Variants in IL1RAPL2 observed in about 807,000 individuals in gnomAD.
IL1RAPL2 encodes the protein X-linked interleukin-1 receptor accessory protein-like 2.
IL1RAPL2 carries 3 observed loss-of-function variants against 44.1 expected under a neutral mutation model. That is an observed-to-expected ratio of 0.07 (90% CI 0.03 to 0.18). The LOEUF is 0.18. IL1RAPL2 is among the 10% of genes least tolerant of loss of function. The pLI is 1.00. For synonymous variants in IL1RAPL2, 181 were observed against 178.8 expected, an observed-to-expected ratio of 1.01 and a Z score of -0.10; for missense variants, 391 against 496.4, an observed-to-expected ratio of 0.79 and a Z score of 2.02.
intron 2 of IL1RAPL2, among the ~76,000 whole-genome samples, chrX:104,770,445 C>T (rs952320005): frequency 9.0e-6 from 1 of 111,469 alleles, no homozygotes; most frequent in African/African-American, 3.3e-5. Flanking sequence ...AACCACCACC[C>T]CCATCATCAT....
intron 5 of IL1RAPL2, among the ~76,000 whole-genome samples, chrX:105,285,700 TCTGA>T (rs753129924): frequency 2.7e-5 from 3 of 112,049 alleles, no homozygotes; most frequent in Non-Finnish European, 5.6e-5. Context: ...ACAGTGTCTT[TCTGA>T]CTTAGTCCTG....
At chrX:105,475,322 C>A (rs2036190418) in intron 5 of IL1RAPL2, among the ~76,000 whole-genome samples, 2 of 110,787 alleles carry the variant, frequency 1.8e-5, no homozygotes, top group African/African-American at 6.6e-5. Context: ...AAGGGTTTGT[C>A]TAGCTCTAAA....
intron 2 of IL1RAPL2, among the ~76,000 whole-genome samples, chrX:105,137,281 A>C (rs1199692794): frequency 1.8e-5 from 2 of 112,426 alleles, no homozygotes; most frequent in African/African-American, 6.5e-5. Flanking sequence ...CTCAGTAGTC[A>C]CATCTAACAT....
intron 6 of IL1RAPL2, among the ~76,000 whole-genome samples, chrX:105,489,730 T>TTCTC (rs747133937): frequency 1.0e-5 from 1 of 100,377 alleles, no homozygotes; most frequent in Admixed American, 1.1e-4. Context: ...CCTTCTTTCT[T>TTCTC]TCTCTCTCTC....
At chrX:104,769,249 C>A (rs1932605098) in intron 2 of IL1RAPL2, among the ~76,000 whole-genome samples, 1 of 111,575 alleles carries the variant, frequency 9.0e-6, no homozygotes, top group South Asian at 3.7e-4. Flanking sequence ...AAATAGTTGA[C>A]CTGATTGGTT....
intron 6 of IL1RAPL2, among the ~76,000 whole-genome samples, chrX:105,666,544 G>A (rs900971606): frequency 1.8e-5 from 2 of 111,732 alleles, no homozygotes; most frequent in East Asian, 2.8e-4. Flanking sequence ...TAACAGAGCC[G>A]TAAAACAGAA....
chrX:105,056,080 C>A (rs1361585688), intron 2 of IL1RAPL2, among the ~76,000 whole-genome samples: 1 of 111,877 alleles, frequency 8.9e-6, no homozygotes, highest in Non-Finnish European at 1.9e-5. Flanking sequence ...AAAATGACAG[C>A]TTTCTTCTAG....
At chrX:105,173,311 G>A (rs780957522) in intron 2 of IL1RAPL2, among the ~76,000 whole-genome samples, 84 of 112,077 alleles carry the variant, frequency 7.5e-4, no homozygotes, top group Non-Finnish European at 1.2e-3. Context: ...ACAACTGCGG[G>A]TTTGCCCGTG....
chrX:105,243,860 A>C (rs938036154), intron 4 of IL1RAPL2, among the ~76,000 whole-genome samples: 1 of 110,901 alleles, frequency 9.0e-6, no homozygotes, highest in Non-Finnish European at 1.9e-5. Flanking sequence ...CATCTTATCT[A>C]GGATAACTTT....
intron 6 of IL1RAPL2, among the ~76,000 whole-genome samples, chrX:105,602,859 T>G (rs2037264566): frequency 2.8e-5 from 3 of 108,021 alleles, no homozygotes; most frequent in Admixed American, 2.0e-4. Flanking sequence ...CTGCAAAAAT[T>G]AAGAAATAAA....
At chrX:104,672,857 G>A (rs1018336156) in intron 2 of IL1RAPL2, among the ~76,000 whole-genome samples, 15 of 111,960 alleles carry the variant, frequency 1.3e-4, no homozygotes, top group Non-Finnish European at 2.1e-4. Flanking sequence ...GTGATGACGA[G>A]CATTTTTTCA....
chrX:104,893,110 T>G (rs998626461), intron 2 of IL1RAPL2, among the ~76,000 whole-genome samples: 38 of 112,203 alleles, frequency 3.4e-4, no homozygotes, highest in Non-Finnish European at 6.2e-4. Flanking sequence ...TTGAGTGAGT[T>G]TCTTAATCCT....
intron 2 of IL1RAPL2, among the ~76,000 whole-genome samples, chrX:104,826,937 G>GTTT (rs1213152408): frequency 1.9e-5 from 1 of 53,539 alleles, no homozygotes. Flanking sequence ...TGCAACCCCT[G>GTTT]CTTTTTTTTT....
At chrX:104,970,821 T>G (rs2030218378) in intron 2 of IL1RAPL2, among the ~76,000 whole-genome samples, 1 of 111,979 alleles carries the variant, frequency 8.9e-6, no homozygotes, top group African/African-American at 3.2e-5. Flanking sequence ...TGCATCCTGC[T>G]GAGTTTATGG....
intron 2 of IL1RAPL2, among the ~76,000 whole-genome samples, chrX:105,022,086 G>A (rs1343017934): frequency 9.0e-6 from 1 of 110,511 alleles, no homozygotes; most frequent in Non-Finnish European, 1.9e-5. Flanking sequence ...TTTCCCATGA[G>A]AAAAATTTTA....
intron 2 of IL1RAPL2, among the ~76,000 whole-genome samples, chrX:104,924,860 A>C: frequency 9.0e-6 from 1 of 111,353 alleles, no homozygotes; most frequent in Admixed American, 9.6e-5. Flanking sequence ...GAGCAGAACT[A>C]AATGAGATTG....
At chrX:105,041,271 C>T (rs902953645) in intron 2 of IL1RAPL2, among the ~76,000 whole-genome samples, 3 of 111,119 alleles carry the variant, frequency 2.7e-5, no homozygotes, top group Non-Finnish European at 5.7e-5. Flanking sequence ...TGTTCTTTTA[C>T]ATTTGCTGAG....
At chrX:105,691,320 T>A (rs997524490) in intron 6 of IL1RAPL2, among the ~76,000 whole-genome samples, 2 of 111,306 alleles carry the variant, frequency 1.8e-5, no homozygotes, top group Non-Finnish European at 3.8e-5. Context: ...AGATGGTCTC[T>A]TCCCATTCTT....
intron 2 of IL1RAPL2, among the ~76,000 whole-genome samples, chrX:105,170,172 G>T (rs1300082172): frequency 9.0e-6 from 1 of 110,805 alleles, no homozygotes; most frequent in Non-Finnish European, 1.9e-5. Flanking sequence ...GGAATCATTT[G>T]TATTTGTCAG....
Sources: gnomAD v4.1 joint callset for allele counts (sites outside exome capture counted in the v4.1 genomes callset) on GRCh38, gnomAD v4.1.1 for gene constraint, MANE v1.5 for transcripts, NCBI Gene and HGNC (gene_info 2026-07-23, HGNC 2026-07-21) for gene names.